Variants in P2RX1 observed in about 807,000 individuals in gnomAD.
The protein encoded by P2RX1 is P2X purinoceptor 1.
Under a neutral mutation model 50.3 loss-of-function variants are expected in P2RX1, and 42 were observed. That is an observed-to-expected ratio of 0.83 (90% CI 0.65 to 1.08). The LOEUF is 1.08. Ranked by LOEUF, P2RX1 falls within the 50% of genes least tolerant of loss-of-function variation. P2RX1 has a pLI of 0.00. For missense variants in P2RX1, 449 were observed against 529.0 expected, an observed-to-expected ratio of 0.85 and a Z score of 1.48; for synonymous variants, 199 against 202.6, an observed-to-expected ratio of 0.98 and a Z score of 0.15.
chr17:3,902,691 TCTGCCTCCCGGGTTCAAGTGATTCTC>T lies in P2RX1; in HGVS notation c.747+485_747+510del, dbSNP rs751321845. On this transcript the variant is annotated intron_variant, in intron 7 of 11. Transcript: ENST00000225538. ...GGCGCAATCTTAGCTCACTGCAACC[TCTGCCTCCCGGGTTCAAGTGATTCTC>T]CTGCCTCAGCCTCCCTAGTAGCTGG... Among the ~76,000 whole-genome samples the T allele has an allele frequency of 2.6e-5, 4 of 151,742 alleles. No individual in the cohort carries two copies. The East Asian group carries it at 5.8e-4, about 22-fold the overall frequency.
rs1047868894 is a variant in P2RX1, at chr17:3,914,323, A to G, written c.137+1766T>C. Among the ~76,000 whole-genome samples the G allele has an allele frequency of 3.3e-5, 5 of 151,834 alleles. No homozygotes were observed. Among genetic ancestry groups the G allele is most frequent in the African/African-American group, 1.2e-4 (5 of 41,304 alleles). On this transcript the variant is annotated intron_variant, in intron 1 of 11. Coordinates refer to ENST00000225538, the MANE Select transcript of P2RX1 (RefSeq NM_002558.4). This position sits in a 1 kb window ranked among gnomAD's most constrained non-coding sequence, Gnocchi z 4.1. ...ACATCCATTTGGAAACTGATTAGAC[A>G]GTCTTGGGAGGGAAGACAGGCAGGA...
At chr17:3,915,319 T>G (rs1567660296) in intron 1 of P2RX1, 1 of 385,554 alleles carries the variant, frequency 2.6e-6, no homozygotes, top group Non-Finnish European at 5.2e-6. Context: ...TACCCACATG[T>G]GGGCACTCAG....
rs776151732 is a variant in P2RX1, at chr17:3,903,610, G to C, written c.546C>G (p.Ala182=). ...TCTTGATGAAAAGAGTGAAGTTCTC[G>C]GCCTCTCGGAGAAGGGCAGGGCTGG... ...DIPRPALLRE[A]ENFTLFIKNS... The change falls in exon 6 of 12, where the codon GCC becomes GCG. Residue 182 remains alanine, a synonymous_variant. Coordinates refer to ENST00000225538, the MANE Select transcript of P2RX1 (RefSeq NM_002558.4). This position sits in a 1 kb window ranked among gnomAD's most constrained non-coding sequence, Gnocchi z 4.6. The C allele has an allele frequency of 6.8e-6, 11 of 1,614,020 alleles. No individual in the cohort carries two copies. The highest frequency in any genetic ancestry group is 6.7e-5 in the African/African-American group (5 of 74,940).
At chr17:3,913,746 G>T (rs1408349601) in intron 1 of P2RX1, among the ~76,000 whole-genome samples, 1 of 152,238 alleles carries the variant, frequency 6.6e-6, no homozygotes. Flanking sequence ...CTGGGACACG[G>T]GGGCCTGGCT....
chr17:3,913,056 T>G (rs1267192635), intron 1 of P2RX1, among the ~76,000 whole-genome samples: 2 of 152,072 alleles, frequency 1.3e-5, no homozygotes, highest in Non-Finnish European at 2.9e-5. Context: ...CCTCCCTGGC[T>G]TCCTCCCCAC....
At chr17:3,898,152 G>C in intron 10 of P2RX1, 42 bp from the exon 11 acceptor site, 1 of 1,540,244 alleles carries the variant, frequency 6.5e-7, no homozygotes, top group Non-Finnish European at 9.0e-7. Context: ...GGGAATCCGG[G>C]GGTGGGTACG....
At chr17:3,906,419 C>T (rs1229185761) in intron 1 of P2RX1, among the ~76,000 whole-genome samples, 4 of 152,198 alleles carry the variant, frequency 2.6e-5, no homozygotes, top group African/African-American at 4.8e-5. Context: ...GCATGAGCCA[C>T]CGCACCCGGC....
intron 10 of P2RX1, 78 bp downstream of exon 10, chr17:3,898,406 G>A (rs1597507582): frequency 1.7e-6 from 2 of 1,144,554 alleles, no homozygotes; most frequent in East Asian, 2.4e-5. Flanking sequence ...TTTAGGGTGA[G>A]GGACGTCTTG....
At chr17:3,901,516 C>T (rs981528597) in intron 7 of P2RX1, among the ~76,000 whole-genome samples, 2 of 152,204 alleles carry the variant, frequency 1.3e-5, no homozygotes, top group East Asian at 1.9e-4. Context: ...TGTGGCTGCC[C>T]TTGCCCTTCC....
At chr17:3,901,794 T>C (rs555160639) in intron 7 of P2RX1, among the ~76,000 whole-genome samples, 71 of 151,880 alleles carry the variant, frequency 4.7e-4, no homozygotes, top group African/African-American at 1.6e-3. Flanking sequence ...GCACACGGCG[T>C]CAACTCTGCC....
chr17:3,904,236 G>A (rs974239892), intron 4 of P2RX1, 94 bp downstream of exon 4: 4 of 1,274,436 alleles, frequency 3.1e-6, no homozygotes, highest in Non-Finnish European at 4.6e-6. Context: ...CGGGAGGGGT[G>A]TGGAGAGAGG....
chr17:3,909,516 A>C (rs1482169639), intron 1 of P2RX1, among the ~76,000 whole-genome samples: 1 of 151,720 alleles, frequency 6.6e-6, no homozygotes, highest in Non-Finnish European at 1.5e-5. Context: ...TCCAGACTGC[A>C]CTCTCCCCTG....
Position 3,914,643 on chromosome 17 carries a change from C to T in P2RX1, c.137+1446G>A, listed in dbSNP as rs1319840816. On this transcript the variant is annotated intron_variant, in intron 1 of 11. Transcript: ENST00000225538. The surrounding 1 kb of genome is among the most constrained non-coding windows in gnomAD (Gnocchi z 4.1). The stretch of plus-strand genomic sequence containing the variant: ...GTGATACTAAGGGTGGACTTCCGGC[C>T]CGTCCTGTACCTGGCATCCCACCAT... Among the ~76,000 whole-genome samples, 6 of 152,152 alleles carry T rather than the reference C, an allele frequency of 3.9e-5. No homozygotes were observed. The highest frequency in any genetic ancestry group is 1.4e-4 in the African/African-American group (6 of 41,428).
chr17:3,901,914 G>C (rs77675717), intron 7 of P2RX1, among the ~76,000 whole-genome samples: 6,231 of 151,834 alleles, frequency 0.041, 442 homozygotes, highest in African/African-American at 0.14. Flanking sequence ...ATTGCCCCCC[G>C]TCGGTGGGTC....
rs1480597124 is a variant in P2RX1, at chr17:3,903,886, C to T, written c.524+42G>A. Reference sequence around the variant, plus strand: ...AGACCTAGGCCCCCCTCTGTCTGGCCTGGGACCCTGTTCTTAGCTCTCTGG... The same window carrying T: ...AGACCTAGGCCCCCCTCTGTCTGGCTTGGGACCCTGTTCTTAGCTCTCTGG... On this transcript the variant is annotated intron_variant, in intron 5 of 11. Coordinates refer to ENST00000225538, the MANE Select transcript of P2RX1 (RefSeq NM_002558.4). This position sits in a 1 kb window ranked among gnomAD's most constrained non-coding sequence, Gnocchi z 4.6. 2.0e-6 allele frequency: 3 copies of T among 1,523,980 alleles called. No homozygotes were observed. The highest frequency in any genetic ancestry group is 2.7e-6 in the Non-Finnish European group (3 of 1,097,936). The allele number at this position is 1,523,980 out of a possible 1,614,324, so 94.4% of individuals were successfully genotyped here. A position where few individuals can be genotyped will look rare whatever the true frequency, so the allele number is the denominator to read the frequency against.
chr17:3,899,295 C>A (rs2056091896), intron 8 of P2RX1, among the ~76,000 whole-genome samples: 2 of 149,358 alleles, frequency 1.3e-5, no homozygotes, highest in South Asian at 4.3e-4. Flanking sequence ...GCCTCAGATT[C>A]CTGGTCTCAA....
chr17:3,913,917 G>A (rs996810395), intron 1 of P2RX1, among the ~76,000 whole-genome samples: 5 of 152,312 alleles, frequency 3.3e-5, no homozygotes, highest in African/African-American at 7.2e-5. Context: ...AGCTGAGTCC[G>A]GAGATGCCAA....
rs570579642 is a variant in P2RX1, at chr17:3,913,228, T to C, written c.137+2861A>G. ...CTCCACTCTGCCTCCAGGGTTCAAG[T>C]GATTCTGCTGCCTCAGCCTCCCAAG... On this transcript the variant is annotated intron_variant, in intron 1 of 11. Coordinates refer to ENST00000225538, the MANE Select transcript of P2RX1 (RefSeq NM_002558.4). Among the ~76,000 whole-genome samples, 923 of 151,332 alleles carry C rather than the reference T, an allele frequency of 6.1e-3. 11 individuals are homozygous for C. Among genetic ancestry groups the C allele is most frequent in the African/African-American group, 0.021 (866 of 41,136 alleles).
chr17:3,910,600 G>A (rs2056345960), intron 1 of P2RX1, among the ~76,000 whole-genome samples: 1 of 152,258 alleles, frequency 6.6e-6, no homozygotes, highest in African/African-American at 2.4e-5. Context: ...GGCATGGGTT[G>A]GGAGGACCGG....
Sources: allele counts gnomAD v4.1 joint callset (sites outside exome capture counted in the v4.1 genomes callset), GRCh38; gene constraint gnomAD v4.1.1; non-coding constraint Gnocchi (gnomAD v3.1); transcripts MANE v1.5; gene names NCBI Gene and HGNC (gene_info 2026-07-23, HGNC 2026-07-21).